MCTP2: variants seen among roughly 807,000 people sequenced by gnomAD.
MCTP2 encodes the protein multiple C2 and transmembrane domain-containing protein 2.
MCTP2 carries 132 observed loss-of-function variants against 111.6 expected under a neutral mutation model. The ratio of observed to expected loss-of-function variants is 1.18; its 90% CI spans 1.03 to 1.37. The LOEUF is 1.37. MCTP2 is among the 40% of genes most tolerant of loss of function. The probability of loss-of-function intolerance (pLI) is 0.00; values close to 1 mark genes in which losing one functional copy is unlikely to be tolerated. For synonymous variants in MCTP2, 395 were observed against 387.7 expected, an observed-to-expected ratio of 1.02 and a Z score of -0.22; for missense variants, 1,183 against 1,067.9, an observed-to-expected ratio of 1.11 and a Z score of -1.50.
At chr15:94,453,325 A>T (rs1342545190) in intron 19 of MCTP2, among the ~76,000 whole-genome samples, 1 of 152,202 alleles carries the variant, frequency 6.6e-6, no homozygotes, top group Non-Finnish European at 1.5e-5. Context: ...AGTGACTAAC[A>T]TCCAGCTTTA....
At chr15:94,472,235 A>G (rs1476986312) in intron 21 of MCTP2, among the ~76,000 whole-genome samples, 5 of 152,148 alleles carry the variant, frequency 3.3e-5, no homozygotes, top group African/African-American at 1.2e-4. Context: ...AAACTAAGCC[A>G]AGGTGATGGC....
chr15:94,466,934 G>T (rs536172523), intron 20 of MCTP2, among the ~76,000 whole-genome samples: 1 of 152,012 alleles, frequency 6.6e-6, no homozygotes, highest in African/African-American at 2.4e-5. Flanking sequence ...TTTGTAGCTA[G>T]TATTATTTTC....
intron 14 of MCTP2, among the ~76,000 whole-genome samples, chr15:94,396,053 C>T (rs1357295304): frequency 6.6e-6 from 1 of 152,072 alleles, no homozygotes; most frequent in African/African-American, 2.4e-5. Context: ...TAATATTATG[C>T]ACTATTTGGC....
intron 1 of MCTP2, among the ~76,000 whole-genome samples, chr15:94,234,022 G>A (rs1393709587): frequency 6.6e-6 from 1 of 152,086 alleles, no homozygotes; most frequent in Non-Finnish European, 1.5e-5. Flanking sequence ...CGTCAATCTT[G>A]GCACAGATTT....
intron 14 of MCTP2, among the ~76,000 whole-genome samples, chr15:94,394,049 C>CAAAAA (rs767685107): frequency 3.2e-5 from 2 of 61,730 alleles, no homozygotes; most frequent in Admixed American, 2.1e-4. Context: ...AACTCCATCT[C>CAAAAA]AAAAAAAAAA....
intron 20 of MCTP2, among the ~76,000 whole-genome samples, chr15:94,467,443 G>A (rs1325913079): frequency 5.4e-5 from 4 of 73,736 alleles, no homozygotes; most frequent in Non-Finnish European, 1.2e-4. Context: ...TATGACCAAT[G>A]GAATATAAAG....
At position 94,479,844 on chromosome 15, in the gene MCTP2, T is replaced by A. The variant is rs930770786; in HGVS notation, c.*810T>A. 2.0e-5 allele frequency: 3 copies of A among 152,096 alleles called. No homozygotes were observed. Among genetic ancestry groups the A allele is most frequent in the Non-Finnish European group, 4.4e-5 (3 of 68,022 alleles). The allele number at this position is 152,096 out of a possible 1,614,324, so 9.4% of individuals were successfully genotyped here. ...ATAATTTCAGAAAGGCAGGTGGGGGTAGGGGAGAAATGAATGAATAAATTC... is the reference window on the plus strand; with the variant it reads ...ATAATTTCAGAAAGGCAGGTGGGGGAAGGGGAGAAATGAATGAATAAATTC... On this transcript the variant is annotated 3_prime_UTR_variant, in exon 23 of 23. Transcript: ENST00000357742.
chr15:94,348,046 G>A (rs1188210857), intron 8 of MCTP2, among the ~76,000 whole-genome samples: 6 of 151,994 alleles, frequency 3.9e-5, no homozygotes, highest in South Asian at 2.1e-4. Context: ...ATACTCTTAC[G>A]TAGCCTCTCT....
intron 1 of MCTP2, among the ~76,000 whole-genome samples, chr15:94,258,699 A>G (rs969182632): frequency 3.9e-5 from 6 of 152,202 alleles, no homozygotes; most frequent in African/African-American, 4.8e-5. Context: ...TCTGGTTTGC[A>G]TTATGTTCAT....
chr15:94,380,029 T>G (rs140347364), intron 12 of MCTP2, among the ~76,000 whole-genome samples: 3,408 of 151,920 alleles, frequency 0.022, 54 homozygotes, highest in Non-Finnish European at 0.035. Flanking sequence ...TAAACCTCAA[T>G]TAAGAATCGC....
chr15:94,268,030 T>G (rs970437012), intron 1 of MCTP2, among the ~76,000 whole-genome samples: 1 of 150,980 alleles, frequency 6.6e-6, no homozygotes, highest in Non-Finnish European at 1.5e-5. Context: ...CACACCTGGC[T>G]AATTTTTTGC....
intron 15 of MCTP2, 57 bp downstream of exon 15, chr15:94,399,119 C>T: frequency 1.1e-6 from 1 of 902,566 alleles, no homozygotes; most frequent in Non-Finnish European, 1.8e-6. Flanking sequence ...AGAAGGTGAC[C>T]AGCCTTTGGA....
intron 12 of MCTP2, among the ~76,000 whole-genome samples, chr15:94,380,694 G>A (rs973563830): frequency 2.6e-5 from 4 of 152,000 alleles, no homozygotes; most frequent in African/African-American, 9.7e-5. Context: ...CTGGAACCCA[G>A]GAGGCAGAGG....
intron 4 of MCTP2, among the ~76,000 whole-genome samples, chr15:94,329,890 A>G (rs975616568): frequency 6.6e-6 from 1 of 152,162 alleles, no homozygotes. Context: ...TCCTCATCGT[A>G]TGGTAGGTCT....
chr15:94,240,470 C>T (rs2070867053), intron 1 of MCTP2, among the ~76,000 whole-genome samples: 1 of 152,180 alleles, frequency 6.6e-6, no homozygotes, highest in Non-Finnish European at 1.5e-5. Context: ...TTTCAAGACC[C>T]ATTCCAACTA....
At position 94,466,911 on chromosome 15, in the gene MCTP2, AATTTG is replaced by A. The variant is rs200340732; in HGVS notation, c.2361-3417_2361-3413del. Among the ~76,000 whole-genome samples the A allele has an allele frequency of 7.6e-3, 1,163 of 152,236 alleles. 18 individuals carry two copies. Among genetic ancestry groups the A allele is most frequent in the African/African-American group, 0.025 (1,051 of 41,554 alleles). On this transcript the variant is annotated intron_variant, in intron 20 of 22. Coordinates refer to ENST00000357742, the MANE Select transcript of MCTP2 (RefSeq NM_001385001.1). ...TAAAGTCTATTCCTTTTTAAAAAGT[AATTTG>A]ATTTATTTTTGTAGCTAGTATTATT...
intron 17 of MCTP2, among the ~76,000 whole-genome samples, chr15:94,410,154 A>G (rs1596621184): frequency 6.6e-6 from 1 of 152,168 alleles, no homozygotes; most frequent in Non-Finnish European, 1.5e-5. Flanking sequence ...TGATATAACT[A>G]TTGGTGGGTG....
intron 16 of MCTP2, among the ~76,000 whole-genome samples, chr15:94,401,588 C>T (rs2081591843): frequency 6.6e-6 from 1 of 152,164 alleles, no homozygotes; most frequent in African/African-American, 2.4e-5. Flanking sequence ...ATGTGTCTTT[C>T]TCACACAAAT....
chr15:94,365,382 G>C (rs1216885039), intron 10 of MCTP2, among the ~76,000 whole-genome samples: 1 of 152,086 alleles, frequency 6.6e-6, no homozygotes, highest in African/African-American at 2.4e-5. Flanking sequence ...TGATTTTTTT[G>C]TAATAACGTA....
Sources: allele counts gnomAD v4.1 joint callset (sites outside exome capture counted in the v4.1 genomes callset), GRCh38; gene constraint gnomAD v4.1.1; transcripts MANE v1.5; gene names NCBI Gene and HGNC (gene_info 2026-07-23, HGNC 2026-07-21).